Variants in PCSK2 observed in about 807,000 individuals in gnomAD.
The protein encoded by PCSK2 is proprotein convertase subtilisin/kexin type 2, also known as neuroendocrine convertase 2.
Under a neutral mutation model 69.7 loss-of-function variants are expected in PCSK2, and 14 were observed. That is an observed-to-expected ratio of 0.20 (90% confidence interval 0.13 to 0.31). The LOEUF (loss-of-function observed/expected upper bound fraction) is 0.31, where lower values mean the gene tolerates loss of function less well. Ranked by LOEUF, PCSK2 falls within the 10% of genes least tolerant of loss-of-function variation. The pLI, the probability that PCSK2 is intolerant of heterozygous loss-of-function variation, is 1.00. For missense variants in PCSK2, 544 were observed against 842.5 expected, an observed-to-expected ratio of 0.65 and a Z score of 4.39; for synonymous variants, 307 against 320.7, an observed-to-expected ratio of 0.96 and a Z score of 0.46.
chr20:17,464,350 A>G (rs1055969072), intron 10 of PCSK2: 1 of 151,104 alleles, frequency 6.6e-6, no homozygotes, highest in Admixed American at 6.6e-5. Flanking sequence ...ATTTCCAAAA[A>G]CAATAACATT....
chr20:17,477,611 A>G (rs1288596503), intron 11 of PCSK2, among the ~76,000 whole-genome samples: 3 of 152,160 alleles, frequency 2.0e-5, no homozygotes, highest in Non-Finnish European at 4.4e-5. Flanking sequence ...TTTTGTTAAT[A>G]TTATTATTAA....
chr20:17,226,503 G>A (rs1209986506), upstream of PCSK2: 1 of 143,828 alleles, frequency 7.0e-6, no homozygotes, highest in Admixed American at 6.9e-5. Context: ...TATGCCTTGG[G>A]TGTGTGTGTG....
chr20:17,285,039 T>C (rs150476438), intron 2 of PCSK2, among the ~76,000 whole-genome samples: 363 of 152,260 alleles, frequency 2.4e-3, no homozygotes, highest in Non-Finnish European at 3.8e-3. Context: ...ATAGGAACAA[T>C]GGGGATGCCA....
intron 1 of PCSK2, among the ~76,000 whole-genome samples, chr20:17,230,576 G>A (rs2122927436): frequency 6.6e-6 from 1 of 152,212 alleles, no homozygotes; most frequent in Non-Finnish European, 1.5e-5. Context: ...TTAGAGCTCT[G>A]CTATTTTCCC....
chr20:17,403,408 C>T (rs546445624), intron 5 of PCSK2, among the ~76,000 whole-genome samples: 67 of 152,310 alleles, frequency 4.4e-4, no homozygotes, highest in Non-Finnish European at 6.3e-4. Context: ...AAAATAGGCA[C>T]AGTTGGGAAC....
chr20:17,251,471 G>T (rs1415246986), intron 1 of PCSK2, among the ~76,000 whole-genome samples: 1 of 152,202 alleles, frequency 6.6e-6, no homozygotes, highest in African/African-American at 2.4e-5. Context: ...AGTTGGCTAT[G>T]CCTTGAAGAT....
intron 2 of PCSK2, chr20:17,263,055 C>T (rs1372347909): frequency 7.1e-6 from 5 of 705,728 alleles, no homozygotes; most frequent in Admixed American, 6.3e-5. Flanking sequence ...AGCTGCTATT[C>T]GCTTTCAGGG....
chr20:17,471,377 G>T (rs1231976743), intron 11 of PCSK2, among the ~76,000 whole-genome samples: 1 of 152,212 alleles, frequency 6.6e-6, no homozygotes, highest in Non-Finnish European at 1.5e-5. Context: ...GAAGAGAAAT[G>T]GGAAAGCACT....
intron 2 of PCSK2, among the ~76,000 whole-genome samples, chr20:17,304,056 G>A (rs1600471702): frequency 6.6e-6 from 1 of 151,344 alleles, no homozygotes; most frequent in South Asian, 2.1e-4. Context: ...ATCCAACTGG[G>A]AGTCTTTTGG....
intron 2 of PCSK2, among the ~76,000 whole-genome samples, chr20:17,348,688 C>G (rs1221545879): frequency 6.6e-6 from 1 of 152,350 alleles, no homozygotes; most frequent in Non-Finnish European, 1.5e-5. Flanking sequence ...GAGGGAAGGA[C>G]CTGTTCCAGG....
At chr20:17,356,679 T>A (rs2030207805) in intron 2 of PCSK2, among the ~76,000 whole-genome samples, 1 of 152,164 alleles carries the variant, frequency 6.6e-6, no homozygotes, top group Non-Finnish European at 1.5e-5. Context: ...AGAGAAGTTG[T>A]CAGGAAGATA....
intron 1 of PCSK2, among the ~76,000 whole-genome samples, chr20:17,251,655 T>C (rs1055412920): frequency 1.3e-5 from 2 of 152,248 alleles, no homozygotes; most frequent in African/African-American, 4.8e-5. Flanking sequence ...AAAACTTTTT[T>C]TTCAGCTAGC....
chr20:17,412,544 T>A (rs1219126203), intron 6 of PCSK2, among the ~76,000 whole-genome samples: 6 of 152,170 alleles, frequency 3.9e-5, no homozygotes, highest in Admixed American at 3.9e-4. Flanking sequence ...AAAGATCAAA[T>A]CTACGTTTGA....
intron 2 of PCSK2, among the ~76,000 whole-genome samples, chr20:17,339,678 G>T (rs530346585): frequency 6.6e-6 from 1 of 152,094 alleles, no homozygotes; most frequent in East Asian, 1.9e-4. Context: ...CTTTTCCAAC[G>T]GTTCTGTTTA....
intron 1 of PCSK2, among the ~76,000 whole-genome samples, chr20:17,245,089 T>G (rs919096252): frequency 6.6e-6 from 1 of 152,102 alleles, no homozygotes; most frequent in Non-Finnish European, 1.5e-5. Context: ...CACAGAATTA[T>G]CCCAAATAGA....
chr20:17,438,353 A>G (rs2032528394), intron 8 of PCSK2, among the ~76,000 whole-genome samples: 1 of 152,166 alleles, frequency 6.6e-6, no homozygotes, highest in South Asian at 2.1e-4. Context: ...ACAGAACGCT[A>G]TGTTTAACGC....
intron 6 of PCSK2, among the ~76,000 whole-genome samples, chr20:17,421,237 G>A (rs1271042905): frequency 6.6e-6 from 1 of 152,138 alleles, no homozygotes; most frequent in Non-Finnish European, 1.5e-5. Context: ...CTAGCATCTG[G>A]CCTCAGAAAG....
intron 2 of PCSK2, among the ~76,000 whole-genome samples, chr20:17,268,584 G>A (rs1447334048): frequency 6.6e-6 from 1 of 152,176 alleles, no homozygotes; most frequent in African/African-American, 2.4e-5. Flanking sequence ...GGAACAGCAA[G>A]AATGCGAGTA....
chr20:17,384,425 CA>C (rs11478291), intron 5 of PCSK2, among the ~76,000 whole-genome samples: 10,595 of 106,408 alleles, frequency 0.1, 449 homozygotes, highest in Non-Finnish European at 0.13. Context: ...CCATATCTAC[CA>C]AAAAAAAAAA....
Sources: allele counts gnomAD v4.1 joint callset (sites outside exome capture counted in the v4.1 genomes callset), GRCh38; gene constraint gnomAD v4.1.1; transcripts MANE v1.5; gene names NCBI Gene and HGNC (gene_info 2026-07-23, HGNC 2026-07-21).